The following BRINP3 variants were observed in gnomAD, a reference collection of about 807,000 sequenced individuals.
The protein encoded by BRINP3 is BMP/retinoic acid inducible neural specific 3, also known as BMP/retinoic acid-inducible neural-specific protein 3.
Under a neutral mutation model 71.0 loss-of-function variants are expected in BRINP3, and 19 were observed. The ratio of observed to expected loss-of-function variants is 0.27; its 90% CI spans 0.19 to 0.39. The LOEUF is 0.39. Among genes scored for constraint, BRINP3 ranks in the 10% least tolerant of loss-of-function variants. BRINP3 has a pLI of 1.00. For missense variants in BRINP3, 959 were observed against 940.8 expected, an observed-to-expected ratio of 1.02 and a Z score of -0.25; for synonymous variants, 380 against 337.7, an observed-to-expected ratio of 1.13 and a Z score of -1.37.
At chr1:190,358,628 G>T (rs1668907101) in intron 2 of BRINP3, among the ~76,000 whole-genome samples, 1 of 152,112 alleles carries the variant, frequency 6.6e-6, no homozygotes, top group Non-Finnish European at 1.5e-5. Context: ...TCTAGAACTA[G>T]AAATACCATT....
chr1:190,458,365 AC>A (rs1676151473), intron 1 of BRINP3, among the ~76,000 whole-genome samples: 1 of 152,094 alleles, frequency 6.6e-6, no homozygotes, highest in African/African-American at 2.4e-5. Context: ...GTGTTTAAGA[AC>A]TTTTTTCACA....
chr1:190,434,851 T>C (rs1258126890), intron 2 of BRINP3, among the ~76,000 whole-genome samples: 1 of 152,102 alleles, frequency 6.6e-6, no homozygotes, highest in African/African-American at 2.4e-5. Flanking sequence ...TTTGTTCAAT[T>C]TGATGGGCTT....
intron 2 of BRINP3, among the ~76,000 whole-genome samples, chr1:190,433,187 C>A (rs1444402211): frequency 6.6e-6 from 1 of 152,124 alleles, no homozygotes; most frequent in Non-Finnish European, 1.5e-5. Flanking sequence ...GCAAATATTG[C>A]AACTGCTCTC....
At chr1:190,338,731 C>T (rs1054507741) in intron 2 of BRINP3, among the ~76,000 whole-genome samples, 5 of 151,556 alleles carry the variant, frequency 3.3e-5, no homozygotes, top group Admixed American at 3.3e-4. Flanking sequence ...CTTATACTAT[C>T]CAAGACCTCT....
chr1:190,334,612 T>A (rs2103090277), intron 2 of BRINP3, among the ~76,000 whole-genome samples: 1 of 151,922 alleles, frequency 6.6e-6, no homozygotes, highest in South Asian at 2.1e-4. Context: ...CTATGACCCT[T>A]TTTGCATTCT....
chr1:190,261,817 C>A (rs1010848652), intron 4 of BRINP3, among the ~76,000 whole-genome samples: 1 of 152,124 alleles, frequency 6.6e-6, no homozygotes, highest in East Asian at 1.9e-4. Flanking sequence ...ACAAGCAATG[C>A]ATTGAACCTT....
intron 2 of BRINP3, among the ~76,000 whole-genome samples, chr1:190,292,569 C>T (rs978693271): frequency 6.6e-6 from 1 of 152,070 alleles, no homozygotes; most frequent in Admixed American, 6.6e-5. Context: ...GGGAGAATCA[C>T]TTGAGCCCAG....
intron 2 of BRINP3, among the ~76,000 whole-genome samples, chr1:190,445,362 T>G (rs1675140162): frequency 6.6e-6 from 1 of 152,146 alleles, no homozygotes. Context: ...TATTATAACT[T>G]AATATTAGGA....
chr1:190,231,516 C>T (rs754063350), intron 5 of BRINP3, among the ~76,000 whole-genome samples: 2 of 151,784 alleles, frequency 1.3e-5, no homozygotes, highest in African/African-American at 2.4e-5. Context: ...AAAATTACTA[C>T]CAAAACTTAA....
intron 2 of BRINP3, among the ~76,000 whole-genome samples, chr1:190,351,175 G>T (rs1668362558): frequency 6.6e-6 from 1 of 152,000 alleles, no homozygotes. Context: ...TCACTTAAGA[G>T]AATAAAAACC....
chr1:190,437,996 T>C (rs1674578843), intron 2 of BRINP3, among the ~76,000 whole-genome samples: 1 of 151,318 alleles, frequency 6.6e-6, no homozygotes, highest in African/African-American at 2.4e-5. Context: ...TATGTATAGG[T>C]AATTTGAAAA....
intron 1 of BRINP3, among the ~76,000 whole-genome samples, chr1:190,467,544 C>A (rs1425919833): frequency 2.0e-5 from 3 of 151,334 alleles, no homozygotes; most frequent in South Asian, 2.1e-4. Context: ...CACAACTTAC[C>A]CAGTTGACAG....
At chr1:190,464,408 G>A (rs1676602092) in intron 1 of BRINP3, among the ~76,000 whole-genome samples, 1 of 151,852 alleles carries the variant, frequency 6.6e-6, no homozygotes, top group South Asian at 2.1e-4. Context: ...CATGAATCTT[G>A]TAAAATTTTA....
intron 3 of BRINP3, among the ~76,000 whole-genome samples, chr1:190,276,554 GACACACAC>G (rs150589288): frequency 2.1e-5 from 3 of 145,768 alleles, no homozygotes; most frequent in Admixed American, 1.4e-4. Context: ...TTCTTTAAAA[GACACACAC>G]ACACACACAC....
In BRINP3 at chr1:190,164,521, A is replaced by G. The variant is rs74710726; in HGVS notation, c.962-3631T>C. 2.1e-3 allele frequency among the ~76,000 whole-genome samples: 327 copies of G among 152,246 alleles called. 3 individuals are homozygous for G. Among genetic ancestry groups the G allele is most frequent in the African/African-American group, 7.3e-3 (305 of 41,566 alleles). ...TTATATTAATATTGTGAATACATAT[A>G]AAATATAAGCACAATACTACAGAAT... On this transcript the variant is annotated intron_variant, in intron 6 of 7. Transcript: ENST00000367462.
At chr1:190,360,931 A>G (rs1471872689) in intron 2 of BRINP3, among the ~76,000 whole-genome samples, 1 of 152,170 alleles carries the variant, frequency 6.6e-6, no homozygotes, top group Non-Finnish European at 1.5e-5. Flanking sequence ...ATAAAGACAT[A>G]TCTAACTCTG....
chr1:190,136,223 C>A (rs556221444), intron 7 of BRINP3, among the ~76,000 whole-genome samples: 1 of 151,812 alleles, frequency 6.6e-6, no homozygotes, highest in African/African-American at 2.4e-5. Flanking sequence ...TGAAAATTTT[C>A]TTTATATTTT....
At chr1:190,158,667 T>C (rs1657079800) in intron 7 of BRINP3, among the ~76,000 whole-genome samples, 1 of 151,640 alleles carries the variant, frequency 6.6e-6, no homozygotes, top group African/African-American at 2.4e-5. Flanking sequence ...AATTCTCAAA[T>C]TAATAACTTA....
At chr1:190,306,990 T>A (rs994805291) in intron 2 of BRINP3, among the ~76,000 whole-genome samples, 1 of 151,868 alleles carries the variant, frequency 6.6e-6, no homozygotes, top group African/African-American at 2.4e-5. Context: ...ATAAATCATT[T>A]CCATGAAACT....
Sources: gnomAD v4.1 joint callset for allele counts (sites outside exome capture counted in the v4.1 genomes callset) on GRCh38, gnomAD v4.1.1 for gene constraint, MANE v1.5 for transcripts, NCBI Gene and HGNC (gene_info 2026-07-23, HGNC 2026-07-21) for gene names.